Variants in CEMIP observed in about 807,000 individuals in gnomAD.
CEMIP encodes the protein cell migration inducing hyaluronidase 1, also known as cell migration-inducing and hyaluronan-binding protein.
A neutral mutation model predicts 156.9 loss-of-function variants in CEMIP; 105 were observed. The ratio of observed to expected loss-of-function variants is 0.67; its 90% CI spans 0.57 to 0.79. The LOEUF (loss-of-function observed/expected upper bound fraction) is 0.79, where lower values mean the gene tolerates loss of function less well. Ranked by LOEUF, CEMIP falls within the 30% of genes least tolerant of loss-of-function variation. The pLI, the probability that CEMIP is intolerant of heterozygous loss-of-function variation, is 0.00. For missense variants in CEMIP, 1,457 were observed against 1,769.4 expected, an observed-to-expected ratio of 0.82 and a Z score of 3.17; for synonymous variants, 676 against 668.4, an observed-to-expected ratio of 1.01 and a Z score of -0.17.
intron 25 of CEMIP, among the ~76,000 whole-genome samples, chr15:80,938,972 C>T (rs1204635353): frequency 2.0e-5 from 3 of 152,128 alleles, no homozygotes; most frequent in Admixed American, 2.0e-4. Flanking sequence ...ATGGCTCCAT[C>T]AATTTGATTA....
intron 1 of CEMIP, among the ~76,000 whole-genome samples, chr15:80,860,565 C>T (rs755123862): frequency 7.9e-5 from 12 of 152,212 alleles, no homozygotes; most frequent in Non-Finnish European, 1.5e-4. Context: ...AAACACCACA[C>T]CCAGTGGTGG....
chr15:80,912,852 G>T (rs868369375), intron 14 of CEMIP, among the ~76,000 whole-genome samples: 1 of 152,164 alleles, frequency 6.6e-6, no homozygotes, highest in South Asian at 2.1e-4. Context: ...ACTATGTTTG[G>T]AAAGATGTTT....
intron 14 of CEMIP, among the ~76,000 whole-genome samples, chr15:80,914,070 C>T (rs1900168628): frequency 7.1e-6 from 1 of 141,786 alleles, no homozygotes; most frequent in Admixed American, 7.5e-5. Context: ...ATGTGGGGTG[C>T]AGTCTGCCTT....
intron 7 of CEMIP, among the ~76,000 whole-genome samples, chr15:80,885,342 G>T (rs373502104): frequency 6.6e-6 from 1 of 152,172 alleles, no homozygotes; most frequent in African/African-American, 2.4e-5. Flanking sequence ...GGGTGCTCCA[G>T]GTTCCAGAGT....
chr15:80,905,036 G>A (rs1263142815), intron 12 of CEMIP, among the ~76,000 whole-genome samples: 1 of 152,208 alleles, frequency 6.6e-6, no homozygotes, highest in African/African-American at 2.4e-5. Context: ...TAGAAACACT[G>A]CAGGCATACA....
chr15:80,892,204 A>G (rs1899054725), intron 10 of CEMIP, among the ~76,000 whole-genome samples: 1 of 152,142 alleles, frequency 6.6e-6, no homozygotes, highest in Non-Finnish European at 1.5e-5. Context: ...GCACTGACAT[A>G]GCCAGATCCT....
chr15:80,840,630 C>T (rs1332696251), intron 1 of CEMIP, among the ~76,000 whole-genome samples: 1 of 152,138 alleles, frequency 6.6e-6, no homozygotes, highest in Admixed American at 6.5e-5. Flanking sequence ...ACTGCAGGGG[C>T]CACACTGCTG....
intron 8 of CEMIP, among the ~76,000 whole-genome samples, 192 bp from the exon 9 acceptor site, chr15:80,888,509 T>C (rs1898926359): frequency 6.6e-6 from 1 of 152,172 alleles, no homozygotes; most frequent in Admixed American, 6.5e-5. Flanking sequence ...CTTTCAAAAC[T>C]GAAACAAAAG....
At chr15:80,935,120 G>A (rs554882494) in intron 23 of CEMIP, among the ~76,000 whole-genome samples, 8 of 152,288 alleles carry the variant, frequency 5.3e-5, no homozygotes, top group African/African-American at 1.7e-4. Flanking sequence ...AATGAGCCAT[G>A]GGGTGGCTTC....
intron 6 of CEMIP, 68 bp downstream of exon 6, chr15:80,881,204 G>A: frequency 7.4e-7 from 1 of 1,346,228 alleles, no homozygotes; most frequent in Non-Finnish European, 1.1e-6. Flanking sequence ...GTGCTCCCTG[G>A]CCAGGTGCCG....
intron 1 of CEMIP, among the ~76,000 whole-genome samples, chr15:80,851,524 C>A (rs1035684580): frequency 1.3e-5 from 2 of 152,052 alleles, no homozygotes; most frequent in African/African-American, 2.4e-5. Context: ...TAATAAGAGA[C>A]CTATGCTGAA....
chr15:80,902,111 A>G (rs1411823072), intron 12 of CEMIP, among the ~76,000 whole-genome samples: 1 of 152,072 alleles, frequency 6.6e-6, no homozygotes, highest in Non-Finnish European at 1.5e-5. Flanking sequence ...GGCTCCCTCC[A>G]TTGGAAGGTC....
intron 1 of CEMIP, among the ~76,000 whole-genome samples, chr15:80,812,338 T>A (rs1240904515): frequency 6.6e-6 from 1 of 152,228 alleles, no homozygotes; most frequent in African/African-American, 2.4e-5. Flanking sequence ...AATGAGAAGC[T>A]TCTAGGTCAT....
intron 10 of CEMIP, among the ~76,000 whole-genome samples, chr15:80,891,797 T>G (rs1899040724): frequency 6.6e-6 from 1 of 152,208 alleles, no homozygotes; most frequent in Non-Finnish European, 1.5e-5. Flanking sequence ...AATGGTCATC[T>G]CCAGACTTAG....
At chr15:80,939,602 G>A (rs909045966) in intron 25 of CEMIP, among the ~76,000 whole-genome samples, 1 of 152,206 alleles carries the variant, frequency 6.6e-6, no homozygotes, top group Non-Finnish European at 1.5e-5. Flanking sequence ...TTTGATCAAA[G>A]TCTTAAAAAT....
chr15:80,798,614 T>A (rs61294224), intron 1 of CEMIP, among the ~76,000 whole-genome samples: 7 of 152,118 alleles, frequency 4.6e-5, no homozygotes, highest in Non-Finnish European at 8.8e-5. Context: ...ACTGGAGAGG[T>A]TGAAAGCCAT....
At chr15:80,838,634 T>C (rs1198626987) in intron 1 of CEMIP, among the ~76,000 whole-genome samples, 1 of 152,002 alleles carries the variant, frequency 6.6e-6, no homozygotes, top group African/African-American at 2.4e-5. Flanking sequence ...AGTCAGGAGG[T>C]CCTTGATGAT....
intron 1 of CEMIP, among the ~76,000 whole-genome samples, chr15:80,863,214 T>A (rs894548722): frequency 6.6e-6 from 1 of 152,250 alleles, no homozygotes; most frequent in Non-Finnish European, 1.5e-5. Flanking sequence ...ATGTATTTTT[T>A]AAAAAATCTG....
intron 25 of CEMIP, 136 bp from the exon 26 acceptor site, chr15:80,941,713 T>C (rs1352451205): frequency 1.3e-6 from 1 of 747,542 alleles, no homozygotes; most frequent in Non-Finnish European, 2.3e-6. Context: ...AACTCGGTGG[T>C]AGACATGGTT....
Sources: gnomAD v4.1 joint callset for allele counts (sites outside exome capture counted in the v4.1 genomes callset) on GRCh38, gnomAD v4.1.1 for gene constraint, MANE v1.5 for transcripts, NCBI Gene and HGNC (gene_info 2026-07-23, HGNC 2026-07-21) for gene names.